The following SEMA3E variants were observed in gnomAD, a reference collection of about 807,000 sequenced individuals.
The protein encoded by SEMA3E is semaphorin 3E, also known as semaphorin-3E.
SEMA3E carries 49 observed loss-of-function variants against 93.6 expected under a neutral mutation model. The ratio of observed to expected loss-of-function variants is 0.52; its 90% CI spans 0.42 to 0.66. The LOEUF (loss-of-function observed/expected upper bound fraction) is 0.66. Among genes scored for constraint, SEMA3E ranks in the 30% least tolerant of loss-of-function variants. The pLI, the probability that SEMA3E is intolerant of heterozygous loss-of-function variation, is 0.00. For synonymous variants in SEMA3E, 363 were observed against 330.7 expected (o/e 1.10, Z -1.06); for missense variants, 906 against 964.8 (o/e 0.94, Z 0.81).
At chr7:83,482,330 G>T (rs1790161278) in intron 2 of SEMA3E, among the ~76,000 whole-genome samples, 1 of 152,090 alleles carries the variant, frequency 6.6e-6, no homozygotes, top group East Asian at 1.9e-4. Flanking sequence ...ACTTTGGGAG[G>T]CCGAGGCGGG....
intron 1 of SEMA3E, among the ~76,000 whole-genome samples, chr7:83,522,985 C>T (rs1467330131): frequency 6.6e-6 from 1 of 152,096 alleles, no homozygotes; most frequent in African/African-American, 2.4e-5. Flanking sequence ...AAGTATAAAG[C>T]TGTAGCATTT....
intron 4 of SEMA3E, among the ~76,000 whole-genome samples, chr7:83,457,452 T>C (rs1789509572): frequency 6.6e-6 from 1 of 152,228 alleles, no homozygotes; most frequent in Non-Finnish European, 1.5e-5. Context: ...GTAAGAACTT[T>C]GTATTTCTTC....
chr7:83,630,285 T>C (rs1347268590), intron 1 of SEMA3E, among the ~76,000 whole-genome samples: 1 of 152,232 alleles, frequency 6.6e-6, no homozygotes, highest in Non-Finnish European at 1.5e-5. Context: ...AAATGGACTT[T>C]GACAATCTCT....
chr7:83,498,989 C>G (rs1464377017), intron 1 of SEMA3E, among the ~76,000 whole-genome samples: 1 of 151,982 alleles, frequency 6.6e-6, no homozygotes, highest in Non-Finnish European at 1.5e-5. Context: ...TATTAATTCT[C>G]AACTTTTTTA....
chr7:83,635,835 C>G (rs1793872114), intron 1 of SEMA3E, among the ~76,000 whole-genome samples: 1 of 141,822 alleles, frequency 7.1e-6, no homozygotes, highest in Admixed American at 7.2e-5. Context: ...AAATGAAAGA[C>G]AAATGGCCAA....
Position 83,648,763 on chromosome 7 carries a change from A to G in SEMA3E, c.-221T>C. The G allele has an allele frequency of 1.6e-6, 1 of 608,458 alleles. No homozygotes were observed. The allele number at this position is 608,458 out of a possible 1,614,324, so 37.7% of individuals were successfully genotyped here. ...TTGTTTATAAGCCGGGAGCAAGAGG[A>G]CATTCCAAAGAGTGAGTCTTCAGAG... On this transcript the variant is annotated 5_prime_UTR_variant, in exon 1 of 17. Transcript: ENST00000643230.
intron 1 of SEMA3E, among the ~76,000 whole-genome samples, chr7:83,533,117 T>TGACATTA (rs1791338588): frequency 6.6e-6 from 1 of 152,132 alleles, no homozygotes; most frequent in Admixed American, 6.6e-5. Flanking sequence ...CTCCTTCTCC[T>TGACATTA]CCACCTGTAC....
At chr7:83,590,692 G>C (rs1792739721) in intron 1 of SEMA3E, among the ~76,000 whole-genome samples, 1 of 152,060 alleles carries the variant, frequency 6.6e-6, no homozygotes. Context: ...ATTTCTTCTG[G>C]ACCTTGCTGT....
intron 4 of SEMA3E, chr7:83,461,990 T>C (rs919017097): frequency 2.0e-5 from 3 of 152,244 alleles, no homozygotes; most frequent in Non-Finnish European, 2.9e-5. Flanking sequence ...CCGGGATTCC[T>C]CCTAAGCTGT....
intron 1 of SEMA3E, among the ~76,000 whole-genome samples, chr7:83,548,105 T>C (rs1584323832): frequency 6.6e-6 from 1 of 152,228 alleles, no homozygotes; most frequent in Non-Finnish European, 1.5e-5. Context: ...TTAATCTCTC[T>C]CTACTTCCTT....
chr7:83,590,502 C>T (rs1792736459), intron 1 of SEMA3E, among the ~76,000 whole-genome samples: 1 of 152,100 alleles, frequency 6.6e-6, no homozygotes, highest in Non-Finnish European at 1.5e-5. Flanking sequence ...GTTAGGTGTA[C>T]AGAGAAGCAC....
At chr7:83,422,949 C>G (rs913081826) in intron 4 of SEMA3E, among the ~76,000 whole-genome samples, 1 of 152,170 alleles carries the variant, frequency 6.6e-6, no homozygotes, top group Non-Finnish European at 1.5e-5. Context: ...AGAAAAGTTA[C>G]AGGTTTTCAT....
intron 1 of SEMA3E, among the ~76,000 whole-genome samples, chr7:83,492,165 T>C (rs867946990): frequency 6.6e-6 from 1 of 151,966 alleles, no homozygotes; most frequent in Middle Eastern, 3.2e-3. Context: ...GTTCCTAGAC[T>C]ACAGAGCTAC....
At chr7:83,524,782 A>G (rs1791122008) in intron 1 of SEMA3E, among the ~76,000 whole-genome samples, 1 of 152,004 alleles carries the variant, frequency 6.6e-6, no homozygotes. Context: ...CTGGTTGTCT[A>G]AATACCTCTC....
intron 1 of SEMA3E, among the ~76,000 whole-genome samples, chr7:83,608,951 T>C (rs1793188013): frequency 6.6e-6 from 1 of 151,864 alleles, no homozygotes; most frequent in South Asian, 2.1e-4. Context: ...TTCAAGGGAG[T>C]CCTGCCAAGA....
intron 1 of SEMA3E, among the ~76,000 whole-genome samples, chr7:83,579,865 T>TAGC (rs1562841433): frequency 6.6e-6 from 1 of 151,676 alleles, no homozygotes; most frequent in Non-Finnish European, 1.5e-5. Flanking sequence ...AGAAAAGTAG[T>TAGC]TAATACTAGC....
rs531991359 is a variant in SEMA3E, at chr7:83,530,821, T to C, written c.116-40547A>G. 4.3e-3 allele frequency among the ~76,000 whole-genome samples: 654 copies of C among 152,086 alleles called. 8 individuals are homozygous for C. The highest frequency in any genetic ancestry group is 0.015 in the African/African-American group (630 of 41,474). On this transcript the variant is annotated intron_variant, in intron 1 of 16. Coordinates refer to ENST00000643230, the MANE Select transcript of SEMA3E (RefSeq NM_012431.3). Reference sequence around the variant, plus strand: ...TGAACCCGGGAGGCGGAGGCTGCAGTGAGCCAAGATTGCGCCACTGTACTC... The same window carrying C: ...TGAACCCGGGAGGCGGAGGCTGCAGCGAGCCAAGATTGCGCCACTGTACTC...
chr7:83,450,292 T>C (rs1056590743), intron 4 of SEMA3E, among the ~76,000 whole-genome samples: 1 of 152,092 alleles, frequency 6.6e-6, no homozygotes, highest in Non-Finnish European at 1.5e-5. Flanking sequence ...AACACACCCA[T>C]AAGTTCACCA....
chr7:83,381,380 CA>C (rs1474412423), intron 16 of SEMA3E, among the ~76,000 whole-genome samples: 2 of 151,950 alleles, frequency 1.3e-5, no homozygotes, highest in African/African-American at 4.8e-5. Context: ...CTGCTGTTCC[CA>C]TTGTCCAGAA....
Sources: gnomAD v4.1 joint callset for allele counts (sites outside exome capture counted in the v4.1 genomes callset) on GRCh38, gnomAD v4.1.1 for gene constraint, MANE v1.5 for transcripts, NCBI Gene and HGNC (gene_info 2026-07-23, HGNC 2026-07-21) for gene names.